The following ITPK1 variants were observed in gnomAD, a reference collection of about 807,000 sequenced individuals.
ITPK1 encodes the protein inositol-tetrakisphosphate 1-kinase.
ITPK1 carries 21 observed loss-of-function variants against 45.3 expected under a neutral mutation model. The ratio of observed to expected loss-of-function variants is 0.46; its 90% CI spans 0.33 to 0.67. ITPK1 has a LOEUF of 0.67. ITPK1 is among the 30% of genes least tolerant of loss of function. ITPK1 has a pLI of 0.02. For synonymous variants in ITPK1, 258 were observed against 253.6 expected, an observed-to-expected ratio of 1.02 and a Z score of -0.16; for missense variants, 474 against 573.5, an observed-to-expected ratio of 0.83 and a Z score of 1.77.
At chr14:93,029,237 C>A (rs1285078045) in intron 3 of ITPK1, among the ~76,000 whole-genome samples, 8 of 152,170 alleles carry the variant, frequency 5.3e-5, no homozygotes, top group Admixed American at 4.6e-4. Context: ...AAGCGGCAGG[C>A]CCATGTTTTC....
At chr14:93,027,685 G>C (rs12587868) in intron 3 of ITPK1, among the ~76,000 whole-genome samples, 1 of 151,994 alleles carries the variant, frequency 6.6e-6, no homozygotes, top group South Asian at 2.1e-4. Flanking sequence ...CTCAGAGCCC[G>C]TGCACTAGTC....
intron 8 of ITPK1, among the ~76,000 whole-genome samples, chr14:92,957,164 G>C (rs1884782390): frequency 6.6e-6 from 1 of 152,270 alleles, no homozygotes; most frequent in Non-Finnish European, 1.5e-5. Context: ...GTCCCCGGAG[G>C]AGGGATGCCA....
intron 3 of ITPK1, among the ~76,000 whole-genome samples, chr14:93,020,721 A>G (rs1043053311): frequency 3.3e-5 from 5 of 152,060 alleles, no homozygotes; most frequent in African/African-American, 1.2e-4. Context: ...CCAATTCCTC[A>G]ATTTCTCAGT....
rs531034770 is a variant in ITPK1, at chr14:92,960,573, C to T, written c.504+1782G>A. Among the ~76,000 whole-genome samples, 7 of 152,362 alleles carry T rather than the reference C, an allele frequency of 4.6e-5. No homozygotes were observed. In the South Asian group the frequency reaches 6.2e-4, roughly 14 times the overall value. ...CCAGGTCTCTGGGATTCCACAGCCC[C>T]GGCCCTCAGGCCTTGAGTGACTCGC... On this transcript the variant is annotated intron_variant, in intron 7 of 10. Transcript: ENST00000267615.
intron 4 of ITPK1, among the ~76,000 whole-genome samples, chr14:93,001,388 G>C (rs1318008190): frequency 6.6e-6 from 1 of 152,150 alleles, no homozygotes; most frequent in Non-Finnish European, 1.5e-5. Context: ...CGGGACTCCA[G>C]CTTTCCACGT....
intron 8 of ITPK1, among the ~76,000 whole-genome samples, chr14:92,955,349 C>T (rs1313405636): frequency 6.6e-6 from 1 of 152,164 alleles, no homozygotes; most frequent in Non-Finnish European, 1.5e-5. Flanking sequence ...CTCATGCATG[C>T]CTAAGAGAAA....
At chr14:93,029,506 G>A (rs1014622134) in intron 3 of ITPK1, among the ~76,000 whole-genome samples, 2 of 151,940 alleles carry the variant, frequency 1.3e-5, no homozygotes, top group Admixed American at 6.5e-5. Flanking sequence ...AAGGACACCC[G>A]AGCCACCCGA....
intron 3 of ITPK1, among the ~76,000 whole-genome samples, chr14:93,024,974 C>A (rs1418666648): frequency 6.6e-6 from 1 of 152,072 alleles, no homozygotes; most frequent in Admixed American, 6.5e-5. Flanking sequence ...TCTGAGGGGG[C>A]CAGAGGCAGG....
intron 4 of ITPK1, among the ~76,000 whole-genome samples, chr14:92,995,222 CG>C (rs1213273655): frequency 6.6e-6 from 1 of 152,148 alleles, no homozygotes; most frequent in Admixed American, 6.5e-5. Flanking sequence ...TTGTGAGAGC[CG>C]GGGGCAGCAG....
intron 3 of ITPK1, chr14:93,069,910 C>T (rs1890920068): frequency 6.6e-6 from 1 of 152,278 alleles, no homozygotes; most frequent in Non-Finnish European, 1.5e-5. Context: ...CGTATGCCCA[C>T]CATTCACTCA....
At chr14:92,967,938 A>G (rs932947686) in intron 5 of ITPK1, among the ~76,000 whole-genome samples, 3 of 152,208 alleles carry the variant, frequency 2.0e-5, no homozygotes, top group Non-Finnish European at 4.4e-5. Flanking sequence ...AAATGGGTAC[A>G]TTCCTTTGGG....
chr14:92,995,505 C>T (rs1029999178), intron 4 of ITPK1, among the ~76,000 whole-genome samples: 1 of 152,228 alleles, frequency 6.6e-6, no homozygotes, highest in Non-Finnish European at 1.5e-5. Flanking sequence ...TCAGCCTCTC[C>T]TTGGATTTCG....
intron 2 of ITPK1, among the ~76,000 whole-genome samples, chr14:93,105,927 A>G (rs1189453818): frequency 6.7e-6 from 1 of 149,486 alleles, no homozygotes; most frequent in Non-Finnish European, 1.5e-5. Context: ...CTGGTCTTGA[A>G]CTCCTGACCT....
At chr14:93,101,630 T>C (rs572879010) in intron 2 of ITPK1, among the ~76,000 whole-genome samples, 4 of 152,252 alleles carry the variant, frequency 2.6e-5, no homozygotes, top group Non-Finnish European at 5.9e-5. Flanking sequence ...AAGTGGATCA[T>C]TTGAGGTCAG....
At chr14:93,114,070 A>G (rs1236379151) in intron 2 of ITPK1, among the ~76,000 whole-genome samples, 1 of 152,274 alleles carries the variant, frequency 6.6e-6, no homozygotes, top group East Asian at 1.9e-4. Context: ...AAATGCAAGT[A>G]GAGCCCATTT....
chr14:93,014,953 C>T lies in ITPK1; in HGVS notation c.246+1723G>A, dbSNP rs949428938. On this transcript the variant is annotated intron_variant, in intron 4 of 10. Transcript: ENST00000267615. This position sits in a 1 kb window ranked among gnomAD's most constrained non-coding sequence, Gnocchi z 4.4. Reference sequence around the variant, plus strand: ...GCACCATCCCTGCCCCAAAGGTCTGCGTGGCAGCCCAGGCATGGCTGTGCT... The same window carrying T: ...GCACCATCCCTGCCCCAAAGGTCTGTGTGGCAGCCCAGGCATGGCTGTGCT... 2.4e-4 allele frequency among the ~76,000 whole-genome samples: 36 copies of T among 152,234 alleles called. No homozygotes were observed. Among genetic ancestry groups the T allele is most frequent in the Admixed American group, 7.2e-4 (11 of 15,284 alleles).
At chr14:93,024,902 C>T (rs530219116) in intron 3 of ITPK1, among the ~76,000 whole-genome samples, 24 of 152,280 alleles carry the variant, frequency 1.6e-4, no homozygotes, top group Admixed American at 5.2e-4. Context: ...GCTGGCTAGA[C>T]GTCCTTTCCT....
chr14:93,016,808 G>A lies in ITPK1; in HGVS notation c.121-7C>T, dbSNP rs1210778541. 3 of 1,613,760 alleles carry A rather than the reference G, an allele frequency of 1.9e-6. No individual in the cohort carries two copies. The highest frequency in any genetic ancestry group is 2.5e-6 in the Non-Finnish European group (3 of 1,179,804). ...TCGGCCGGCTAAGGTTCAGCTGTGA[G>A]GCAGGGAACACAGACAAAAGCAACA... is the stretch of plus-strand genomic sequence containing the variant. On this transcript the variant is annotated splice_polypyrimidine_tract_variant and splice_region_variant and intron_variant, in intron 3 of 10. Coordinates refer to ENST00000267615, the MANE Select transcript of ITPK1 (RefSeq NM_014216.6). This position sits in a 1 kb window ranked among gnomAD's most constrained non-coding sequence, Gnocchi z 5.0.
intron 2 of ITPK1, among the ~76,000 whole-genome samples, chr14:93,105,702 GTT>G (rs376342112): frequency 0.12 from 15,732 of 127,594 alleles, 2,222 homozygotes; most frequent in African/African-American, 0.37. Context: ...TTTTTGTGGG[GTT>G]TTTTTTTTTT....
Sources: gnomAD v4.1 joint callset for allele counts (sites outside exome capture counted in the v4.1 genomes callset) on GRCh38, gnomAD v4.1.1 for gene constraint, Gnocchi (gnomAD v3.1) non-coding constraint, MANE v1.5 for transcripts, NCBI Gene and HGNC (gene_info 2026-07-23, HGNC 2026-07-21) for gene names.